Variants in PLA2G4D observed in about 807,000 individuals in gnomAD.
PLA2G4D encodes cytosolic phospholipase A2 delta.
Under a neutral mutation model 94.4 loss-of-function variants are expected in PLA2G4D, and 80 were observed. That is an observed-to-expected ratio of 0.85 (90% CI 0.71 to 1.02). The LOEUF (loss-of-function observed/expected upper bound fraction) is 1.02. Ranked by LOEUF, PLA2G4D falls within the 50% of genes least tolerant of loss-of-function variation. The pLI is 0.00. For missense variants in PLA2G4D, 1,050 were observed against 1,034.7 expected (o/e 1.01, Z -0.20); for synonymous variants, 438 against 440.9 (o/e 0.99, Z 0.08).
In PLA2G4D at chr15:42,084,001, T is replaced by A. The variant is rs973712973; in HGVS notation, c.472-222A>T. 3 of 551,564 alleles carry A rather than the reference T, an allele frequency of 5.4e-6. No individual in the cohort carries two copies. The highest frequency in any genetic ancestry group is 9.8e-6 in the Non-Finnish European group (3 of 306,938). The allele number at this position is 551,564 out of a possible 1,614,324, so 34.2% of individuals were successfully genotyped here. On this transcript the variant is annotated intron_variant, in intron 6 of 19. Transcript: ENST00000290472. The surrounding 1 kb of genome is among the most constrained non-coding windows in gnomAD (Gnocchi z 4.8). ...GCCAGGAGGGCCCTGGCTCCACACC[T>A]CCCCTCCAGCTCCCCTGGCTTTGCC...
chr15:42,082,403 A>ATCATTCAT lies in PLA2G4D; in HGVS notation c.673-22_673-15dup, dbSNP rs58062429. The stretch of plus-strand genomic sequence containing the variant: ...GCTTCTGGAGCTCTGAAGGGAAAGC[A>ATCATTCAT]TCATTCATTCATTCATTCATTCATT... On this transcript the variant is annotated splice_polypyrimidine_tract_variant and intron_variant, in intron 8 of 19. Coordinates refer to ENST00000290472, the MANE Select transcript of PLA2G4D (RefSeq NM_178034.4). The ATCATTCAT allele has an allele frequency of 8.3e-5, 130 of 1,568,778 alleles. 1 individual carries two copies. Among genetic ancestry groups the ATCATTCAT allele is most frequent in the South Asian group, 3.9e-4 (35 of 90,422 alleles).
chr15:42,083,142 G>A, intron 8 of PLA2G4D, 56 bp downstream of exon 8: 2 of 1,571,520 alleles, frequency 1.3e-6, no homozygotes, highest in Non-Finnish European at 1.7e-6. Context: ...GGGGCCCGCT[G>A]CAGCTGGAGC....
In PLA2G4D at chr15:42,068,009, A is replaced by G. The variant is rs55936516; in HGVS notation, c.*706T>C. The stretch of plus-strand genomic sequence containing the variant: ...GACAGGAAGAAGTAAAACCATCTCT[A>G]TTTGGAGATGGCATGATCTGTCTAC... On this transcript the variant is annotated 3_prime_UTR_variant, in exon 20 of 20. Transcript: ENST00000290472. 15,602 of 152,282 alleles carry G rather than the reference A, an allele frequency of 0.1. 822 individuals are homozygous for G. The highest frequency in any genetic ancestry group is 0.14 in the Middle Eastern group (42 of 294). 9.4% of individuals were successfully genotyped at this position (152,282 alleles called of 1,614,324 possible).
Position 42,070,867 on chromosome 15 carries a change from G to A in PLA2G4D, c.1893C>T (p.Ser631=). 2 of 1,611,804 alleles carry A rather than the reference G, an allele frequency of 1.2e-6. No individual in the cohort carries two copies. Among genetic ancestry groups the A allele is most frequent in the Non-Finnish European group, 8.5e-7 (1 of 1,179,160 alleles). The change falls in exon 18 of 20, where the codon TCC becomes TCT. Residue 631 remains serine, a synonymous_variant. Coordinates refer to ENST00000290472, the MANE Select transcript of PLA2G4D (RefSeq NM_178034.4). ...FSTWADYQLD[S]MPSQLTPKEP... is the part of the protein sequence containing the mutation. ...CCTTGGGGGTCAGCTGGCTGGGCAT[G>A]GAGTCAAGCTGGTAGTCTGGTGGGA...
Position 42,081,634 on chromosome 15 carries a change from A to C in PLA2G4D, c.822-20T>G. Reference sequence around the variant, plus strand: ...TCAGGGCTGTGGCAATGGAGGATCCAGGGGTCAGGGGACACCTGCATAGCT... The same window carrying C: ...TCAGGGCTGTGGCAATGGAGGATCCCGGGGTCAGGGGACACCTGCATAGCT... On this transcript the variant is annotated intron_variant, in intron 10 of 19. Coordinates refer to ENST00000290472, the MANE Select transcript of PLA2G4D (RefSeq NM_178034.4). The C allele has an allele frequency of 6.2e-7, 1 of 1,612,988 alleles. No homozygotes were observed. The highest frequency in any genetic ancestry group is 8.5e-7 in the Non-Finnish European group (1 of 1,179,282).
chr15:42,085,482 AT>A lies in PLA2G4D; in HGVS notation c.428+8del, dbSNP rs538402173. On this transcript the variant is annotated splice_region_variant and intron_variant, in intron 5 of 19. Transcript: ENST00000290472. Reference sequence around the variant, plus strand: ...TGAGACACTCCCTGGGCTGTGTGACATTACTCACGTTTCTTCCATCAGGAAC... The same window carrying A: ...TGAGACACTCCCTGGGCTGTGTGACATACTCACGTTTCTTCCATCAGGAAC... 5,579 of 1,613,938 alleles carry A rather than the reference AT, an allele frequency of 3.5e-3. 19 individuals are homozygous for A. The highest frequency in any genetic ancestry group is 4.9e-3 in the Admixed American group (293 of 60,018).
intron 14 of PLA2G4D, among the ~76,000 whole-genome samples, 157 bp downstream of exon 14, chr15:42,072,118 C>T (rs1889836358): frequency 6.6e-6 from 1 of 152,204 alleles, no homozygotes; most frequent in South Asian, 2.1e-4. Flanking sequence ...TACCCACTCT[C>T]AAGCACAGAG....
chr15:42,078,446 A>C (rs941010579), intron 13 of PLA2G4D, among the ~76,000 whole-genome samples: 1 of 152,202 alleles, frequency 6.6e-6, no homozygotes, highest in African/African-American at 2.4e-5. Flanking sequence ...TGCTTTATTC[A>C]ATGTCTTAGG....
intron 18 of PLA2G4D, 99 bp downstream of exon 18, chr15:42,070,618 G>T: frequency 7.3e-7 from 1 of 1,362,000 alleles, no homozygotes; most frequent in Non-Finnish European, 9.9e-7. Context: ...TTCCCTTCGG[G>T]ACCCCGGCGG....
chr15:42,083,419 T>C, intron 7 of PLA2G4D, 85 bp from the exon 8 acceptor site: 1 of 1,521,760 alleles, frequency 6.6e-7, no homozygotes, highest in Non-Finnish European at 8.8e-7. Flanking sequence ...ACCACCTGGA[T>C]TCAGAGGATG....
Position 42,068,436 on chromosome 15 carries a change from C to T in PLA2G4D, c.*279G>A. On this transcript the variant is annotated 3_prime_UTR_variant, in exon 20 of 20. Transcript: ENST00000290472. Reference sequence around the variant, plus strand: ...CGGCTTGCACTTCAAATCTATCCTGCTCAGGCATGGAAGTAATTGTGGTGT... The same window carrying T: ...CGGCTTGCACTTCAAATCTATCCTGTTCAGGCATGGAAGTAATTGTGGTGT... 2.2e-6 allele frequency: 1 copy of T among 452,684 alleles called. No individual in the cohort carries two copies. The highest frequency in any genetic ancestry group is 3.7e-5 in the Admixed American group (1 of 27,000). 28.0% of individuals were successfully genotyped at this position (452,684 alleles called of 1,614,324 possible).
rs1566865253 is a variant in PLA2G4D, at chr15:42,086,196, C to CCCAA, written c.387+16_387+17insTTGG. The CCCAA allele has an allele frequency of 5.6e-6, 2 of 356,904 alleles. No individual in the cohort carries two copies. Among genetic ancestry groups the CCCAA allele is most frequent in the African/African-American group, 2.5e-5 (1 of 40,684 alleles). 22.1% of individuals were successfully genotyped at this position (356,904 alleles called of 1,614,324 possible). A position where few individuals can be genotyped will look rare whatever the true frequency, so the allele number is the denominator to read the frequency against. On this transcript the variant is annotated intron_variant, in intron 4 of 19. Coordinates refer to ENST00000290472, the MANE Select transcript of PLA2G4D (RefSeq NM_178034.4). ...AAGAAGTGGGGCCCACGGGGACTTC[C>CCCAA]CCACCCACCCACCCACCTGGGGACT...
At chr15:42,069,284 A>G (rs1409195217) in intron 19 of PLA2G4D, among the ~76,000 whole-genome samples, 1 of 152,108 alleles carries the variant, frequency 6.6e-6, no homozygotes, top group African/African-American at 2.4e-5. Context: ...CTCACGGTGG[A>G]AGCAAGGGGG....
intron 4 of PLA2G4D, among the ~76,000 whole-genome samples, chr15:42,085,941 C>A (rs1297852652): frequency 1.3e-5 from 2 of 152,258 alleles, no homozygotes; most frequent in African/African-American, 4.8e-5. Flanking sequence ...GCCTTGGCAC[C>A]ACCAGCAGGA....
rs1213707330 is a variant in PLA2G4D, at chr15:42,070,744, G to A, written c.2016C>T (p.Phe672=). 7.6e-6 allele frequency: 12 copies of A among 1,569,460 alleles called. No homozygotes were observed. The highest frequency in any genetic ancestry group is 2.3e-5 in the East Asian group (1 of 42,612). Residue 672 remains phenylalanine, a synonymous_variant, in exon 18 of 20, where the codon TTC becomes TTT. Transcript: ENST00000290472. The part of the protein sequence containing the change: ...PGRRLDLILS[F]DYSLSAPFEA... ...CGAAGGGCGCAGATAGGGAGTAGTC[G>A]AAGGAGAGGATGAGGTCCAGCCTGC...
At position 42,086,194 on chromosome 15, in the gene PLA2G4D, T is replaced by TGGGGGGGCCCC; in HGVS notation, c.387+18_387+19insGGGGCCCCCCC. The TGGGGGGGCCCC allele has an allele frequency of 7.3e-6, 10 of 1,370,434 alleles. No homozygotes were observed. The highest frequency in any genetic ancestry group is 8.6e-6 in the Non-Finnish European group (9 of 1,043,076). 84.9% of individuals were successfully genotyped at this position (1,370,434 alleles called of 1,614,324 possible). ...GGAAGAAGTGGGGCCCACGGGGACTTCCCCACCCACCCACCCACCTGGGGA... is the reference window on the plus strand; with the variant it reads ...GGAAGAAGTGGGGCCCACGGGGACTTGGGGGGGCCCCCCCCACCCACCCACCCACCTGGGGA... On this transcript the variant is annotated intron_variant, in intron 4 of 19. Transcript: ENST00000290472.
At chr15:42,085,051 C>A in intron 6 of PLA2G4D, 45 bp downstream of exon 6, 6 of 1,605,676 alleles carry the variant, frequency 3.7e-6, no homozygotes, top group Non-Finnish European at 4.3e-6. Context: ...CCTCCCCAAG[C>A]GTCTGCTCTG....
chr15:42,081,003 G>A lies in PLA2G4D; in HGVS notation c.1088C>T (p.Ser363Phe), dbSNP rs752089943. Residue 363 changes from serine to phenylalanine, a missense_variant, in exon 12 of 20, where the codon TCT becomes TTT. By Grantham distance (155) the Ser-to-Phe change is radical. Transcript: ENST00000290472. Reference protein sequence around the residue: ...CVTYFSGISGSTWTMAHLYGD... With the variant: ...CVTYFSGISGFTWTMAHLYGD... ...AGTCCCCCAGGATCCTCACCACGTA[G>A]AGCCAGAGATGCCACTGAAGTAGGT... 1 of 1,613,762 alleles carries A rather than the reference G, an allele frequency of 6.2e-7. No homozygotes were observed. The highest frequency in any genetic ancestry group is 1.3e-5 in the African/African-American group (1 of 74,910).
At chr15:42,071,418 C>A (rs748373033) in intron 16 of PLA2G4D, 26 bp downstream of exon 16, 1 of 1,592,188 alleles carries the variant, frequency 6.3e-7, no homozygotes, top group South Asian at 1.1e-5. Flanking sequence ...TCATCCCAGG[C>A]CCCTCAGTGC....
Sources: allele counts gnomAD v4.1 joint callset (sites outside exome capture counted in the v4.1 genomes callset), GRCh38; gene constraint gnomAD v4.1.1; non-coding constraint Gnocchi (gnomAD v3.1); transcripts MANE v1.5; gene names NCBI Gene and HGNC (gene_info 2026-07-23, HGNC 2026-07-21).